CNTNAP5: variants seen among roughly 807,000 people sequenced by gnomAD.
The protein encoded by CNTNAP5 is contactin-associated protein-like 5.
Under a neutral mutation model 150.2 loss-of-function variants are expected in CNTNAP5, and 72 were observed. That is an observed-to-expected ratio of 0.48 (90% confidence interval 0.40 to 0.58). CNTNAP5 has a LOEUF of 0.58. CNTNAP5 is among the 20% of genes least tolerant of loss of function. The probability of loss-of-function intolerance (pLI) is 0.00; values close to 1 mark genes in which losing one functional copy is unlikely to be tolerated. For missense variants in CNTNAP5, 1,636 were observed against 1,626.2 expected (o/e 1.01, Z -0.10); for synonymous variants, 672 against 619.8 (o/e 1.08, Z -1.25).
intron 12 of CNTNAP5, among the ~76,000 whole-genome samples, chr2:124,630,507 T>G (rs1028601903): frequency 6.6e-6 from 1 of 152,174 alleles, no homozygotes; most frequent in Non-Finnish European, 1.5e-5. Context: ...GAAAAGGCCT[T>G]CAATAAAATT....
At chr2:124,594,519 A>G (rs1463960406) in intron 11 of CNTNAP5, among the ~76,000 whole-genome samples, 1 of 150,396 alleles carries the variant, frequency 6.6e-6, no homozygotes, top group Admixed American at 6.7e-5. Context: ...TACCAGTACC[A>G]TGCTGTTTTG....
At chr2:124,067,671 G>A (rs955501730) in intron 1 of CNTNAP5, among the ~76,000 whole-genome samples, 11 of 152,154 alleles carry the variant, frequency 7.2e-5, no homozygotes, top group African/African-American at 2.7e-4. Context: ...CTGCCAATAA[G>A]TAAGATACAT....
At chr2:124,212,377 G>A (rs1686036168) in intron 1 of CNTNAP5, among the ~76,000 whole-genome samples, 1 of 152,132 alleles carries the variant, frequency 6.6e-6, no homozygotes, top group Admixed American at 6.6e-5. Flanking sequence ...GGGGTTTATA[G>A]AAGCAGAGTG....
chr2:124,229,654 T>C (rs577094874), intron 2 of CNTNAP5, among the ~76,000 whole-genome samples: 4 of 152,298 alleles, frequency 2.6e-5, no homozygotes, highest in African/African-American at 9.6e-5. Context: ...CAAATATGAT[T>C]TGTTTTGTGG....
At chr2:124,205,911 A>AAAAAGGGCTC (rs1685852016) in intron 1 of CNTNAP5, among the ~76,000 whole-genome samples, 1 of 152,190 alleles carries the variant, frequency 6.6e-6, no homozygotes, top group South Asian at 2.1e-4. Context: ...TAAGATCTCC[A>AAAAAGGGCTC]AAAAGGGCTC....
chr2:124,135,159 A>G (rs1293411060), intron 1 of CNTNAP5: 1 of 152,230 alleles, frequency 6.6e-6, no homozygotes, highest in Non-Finnish European at 1.5e-5. Context: ...AACACTGTAT[A>G]ATTTTTCTCT....
At chr2:124,864,638 G>C (rs113115569) in intron 19 of CNTNAP5, among the ~76,000 whole-genome samples, 6 of 151,580 alleles carry the variant, frequency 4.0e-5, no homozygotes, top group Admixed American at 4.0e-4. Flanking sequence ...TCTCCTGGGA[G>C]TCTCATATGT....
intron 1 of CNTNAP5, among the ~76,000 whole-genome samples, chr2:124,054,667 G>A (rs959500080): frequency 2.0e-5 from 3 of 152,254 alleles, no homozygotes; most frequent in South Asian, 2.1e-4. Context: ...TCTCAGCCCC[G>A]TGGATCTTGG....
chr2:124,199,971 T>G (rs1234420402), intron 1 of CNTNAP5, among the ~76,000 whole-genome samples: 1 of 152,232 alleles, frequency 6.6e-6, no homozygotes, highest in Non-Finnish European at 1.5e-5. Context: ...TTTCTTTTTC[T>G]TGAATACTTT....
chr2:124,398,545 G>C (rs1045869417), intron 3 of CNTNAP5, among the ~76,000 whole-genome samples: 1 of 150,662 alleles, frequency 6.6e-6, no homozygotes, highest in Non-Finnish European at 1.5e-5. Context: ...TGCCCGGACT[G>C]GAGTACAATG....
At chr2:124,279,139 C>G (rs1173856187) in intron 3 of CNTNAP5, among the ~76,000 whole-genome samples, 1 of 151,946 alleles carries the variant, frequency 6.6e-6, no homozygotes, top group Non-Finnish European at 1.5e-5. Context: ...CTGAGCATGA[C>G]TATACTGACT....
chr2:124,887,584 G>A (rs908806097), intron 21 of CNTNAP5, among the ~76,000 whole-genome samples: 2 of 152,092 alleles, frequency 1.3e-5, no homozygotes, highest in South Asian at 2.1e-4. Context: ...TACACATACC[G>A]CTTAGTGCAC....
At chr2:124,397,918 G>A (rs1368085805) in intron 3 of CNTNAP5, among the ~76,000 whole-genome samples, 1 of 152,154 alleles carries the variant, frequency 6.6e-6, no homozygotes, top group Non-Finnish European at 1.5e-5. Context: ...GCAAAACATT[G>A]CCATCAGACT....
chr2:124,340,345 T>C (rs552431449), intron 3 of CNTNAP5, among the ~76,000 whole-genome samples: 1 of 152,282 alleles, frequency 6.6e-6, no homozygotes, highest in East Asian at 1.9e-4. Flanking sequence ...ATACAAAGGA[T>C]AAGACTCAAA....
At chr2:124,256,477 G>A (rs952036522) in intron 3 of CNTNAP5, among the ~76,000 whole-genome samples, 3 of 152,004 alleles carry the variant, frequency 2.0e-5, no homozygotes, top group Non-Finnish European at 4.4e-5. Context: ...GGTTTTATAA[G>A]TTCACCATCT....
At chr2:124,163,261 C>T (rs1558781822) in intron 1 of CNTNAP5, among the ~76,000 whole-genome samples, 1 of 152,192 alleles carries the variant, frequency 6.6e-6, no homozygotes, top group Non-Finnish European at 1.5e-5. Flanking sequence ...CCACACCACA[C>T]TGACCCTCCA....
intron 11 of CNTNAP5, among the ~76,000 whole-genome samples, chr2:124,565,793 G>A (rs1696010200): frequency 6.6e-6 from 1 of 151,858 alleles, no homozygotes; most frequent in Admixed American, 6.6e-5. Context: ...TAGAGACGGG[G>A]TTTCACCGTG....
intron 13 of CNTNAP5, among the ~76,000 whole-genome samples, 189 bp downstream of exon 13, chr2:124,648,147 G>A (rs1159051776): frequency 6.6e-6 from 1 of 152,202 alleles, no homozygotes; most frequent in Non-Finnish European, 1.5e-5. Flanking sequence ...GGAAGCTAGA[G>A]TGAGTTCTGT....
chr2:124,685,765 C>CGTGT (rs200315830), intron 13 of CNTNAP5, among the ~76,000 whole-genome samples: 1,678 of 148,140 alleles, frequency 0.011, 19 homozygotes, highest in Middle Eastern at 0.021. Context: ...TGTGTGTGCG[C>CGTGT]GCGCGTGTTA....
Sources: gnomAD v4.1 joint callset for allele counts (sites outside exome capture counted in the v4.1 genomes callset) on GRCh38, gnomAD v4.1.1 for gene constraint, MANE v1.5 for transcripts, NCBI Gene and HGNC (gene_info 2026-07-23, HGNC 2026-07-21) for gene names.